Variants in TTC27 observed in about 807,000 individuals in gnomAD.
TTC27 encodes tetratricopeptide repeat protein 27.
Under a neutral mutation model 115.9 loss-of-function variants are expected in TTC27, and 79 were observed. The ratio of observed to expected loss-of-function variants is 0.68; its 90% confidence interval spans 0.57 to 0.82. TTC27 has a LOEUF of 0.82. Among genes scored for constraint, TTC27 ranks in the 40% least tolerant of loss-of-function variants. The pLI is 0.00. For missense variants in TTC27, 1,054 were observed against 993.1 expected, an observed-to-expected ratio of 1.06 and a Z score of -0.82; for synonymous variants, 401 against 356.0, an observed-to-expected ratio of 1.13 and a Z score of -1.42.
chr2:32,692,992 C>A (rs1331439612), intron 9 of TTC27, among the ~76,000 whole-genome samples: 1 of 150,298 alleles, frequency 6.7e-6, no homozygotes. Flanking sequence ...AAAAAAAAAT[C>A]TATAAAACAT....
At chr2:32,632,621 G>A (rs1664259571) in intron 2 of TTC27, among the ~76,000 whole-genome samples, 1 of 151,170 alleles carries the variant, frequency 6.6e-6, no homozygotes, top group African/African-American at 2.4e-5. Flanking sequence ...CTGCTTATTT[G>A]CATTGCATCC....
chr2:32,639,800 C>T (rs1216983469), intron 3 of TTC27, among the ~76,000 whole-genome samples: 1 of 152,088 alleles, frequency 6.6e-6, no homozygotes, highest in Non-Finnish European at 1.5e-5. Context: ...GTCAGGAATT[C>T]GAGACCAACC....
intron 3 of TTC27, among the ~76,000 whole-genome samples, chr2:32,637,277 AC>A (rs1408512983): frequency 2.5e-4 from 38 of 152,182 alleles, no homozygotes; most frequent in African/African-American, 8.9e-4. Flanking sequence ...TTGTGGTAGA[AC>A]AGGCAGACAT....
At chr2:32,745,012 C>T (rs1317063997) in intron 12 of TTC27, among the ~76,000 whole-genome samples, 4 of 136,056 alleles carry the variant, frequency 2.9e-5, no homozygotes, top group Non-Finnish European at 6.1e-5. Context: ...CACGCCACTG[C>T]ACTCCAGCCT....
intron 5 of TTC27, among the ~76,000 whole-genome samples, chr2:32,653,603 A>C (rs1665213395): frequency 6.6e-6 from 1 of 151,268 alleles, no homozygotes; most frequent in Non-Finnish European, 1.5e-5. Flanking sequence ...CAAAAAAAAA[A>C]AAACAAAAAA....
chr2:32,653,023 C>T (rs766727453), intron 5 of TTC27, among the ~76,000 whole-genome samples: 3 of 152,110 alleles, frequency 2.0e-5, no homozygotes, highest in Admixed American at 6.6e-5. Context: ...AGAATCTATT[C>T]CTCAGTACAA....
intron 10 of TTC27, among the ~76,000 whole-genome samples, chr2:32,723,743 C>CTTCCTTCT (rs1668013868): frequency 8.7e-6 from 1 of 114,586 alleles, no homozygotes; most frequent in Non-Finnish European, 1.8e-5. Context: ...TCCTTCCTTC[C>CTTCCTTCT]TTCCTTCCTT....
chr2:32,791,799 C>G (rs1172595802), intron 16 of TTC27, among the ~76,000 whole-genome samples: 1 of 152,090 alleles, frequency 6.6e-6, no homozygotes, highest in Non-Finnish European at 1.5e-5. Flanking sequence ...TGCTTAAGCC[C>G]AGGAGTTTGA....
In TTC27 at chr2:32,630,589, C is replaced by T; in HGVS notation, c.155C>T (p.Thr52Ile). ...NYEAIFLNSM[T>I]QNIFNSTTTA... Reference sequence around the variant, plus strand: ...GAAGCCATATTCTTAAATTCAATGACTCAAAATATTTTTAATTCAACAACA... The same window carrying T: ...GAAGCCATATTCTTAAATTCAATGATTCAAAATATTTTTAATTCAACAACA... The change falls in exon 2 of 20, where the codon ACT becomes ATT. Residue 52 changes from threonine to isoleucine, a missense_variant. Thr to Ile is a moderately conservative substitution (Grantham distance 89). Transcript: ENST00000317907. The T allele has an allele frequency of 6.2e-7, 1 of 1,613,334 alleles. No homozygotes were observed. The highest frequency in any genetic ancestry group is 1.1e-5 in the South Asian group (1 of 91,014).
At chr2:32,687,654 G>A (rs1666679282) in intron 9 of TTC27, among the ~76,000 whole-genome samples, 1 of 152,134 alleles carries the variant, frequency 6.6e-6, no homozygotes, top group South Asian at 2.1e-4. Context: ...GGCTAGATTT[G>A]CTAAATTATT....
At chr2:32,703,058 T>G in intron 10 of TTC27, 138 bp downstream of exon 10, 1 of 665,242 alleles carries the variant, frequency 1.5e-6, no homozygotes, top group Non-Finnish European at 2.6e-6. Context: ...GAGAATAAGT[T>G]CTATAATTTA....
At chr2:32,775,239 C>T (rs577904076) in intron 13 of TTC27, among the ~76,000 whole-genome samples, 9 of 152,238 alleles carry the variant, frequency 5.9e-5, no homozygotes, top group African/African-American at 2.2e-4. Flanking sequence ...GCTCTGTCAC[C>T]CGGGCTGGAG....
rs1244152332 is a variant in TTC27 at position 32,723,836 on chromosome 2, A to G, written c.1234-9992A>G. Among the ~76,000 whole-genome samples the G allele has an allele frequency of 4.8e-5, 7 of 147,208 alleles. 1 individual carries two copies. The South Asian group carries it at 6.5e-4, about 14-fold the overall frequency. On this transcript the variant is annotated intron_variant, in intron 10 of 19. Coordinates refer to ENST00000317907, the MANE Select transcript of TTC27 (RefSeq NM_017735.5). Reference sequence around the variant, plus strand: ...TTTCTTTCTTCCTTTGTCTTGCTCTATCACTCAGGCTGGAGTGCAGTGGCA... The same window carrying G: ...TTTCTTTCTTCCTTTGTCTTGCTCTGTCACTCAGGCTGGAGTGCAGTGGCA...
At chr2:32,798,102 TA>T (rs143563889) in intron 16 of TTC27, among the ~76,000 whole-genome samples, 42 of 146,376 alleles carry the variant, frequency 2.9e-4, no homozygotes, top group East Asian at 1.0e-3. Context: ...GAAAAAAAAT[TA>T]AAAAAAAAAA....
chr2:32,758,288 C>A lies in TTC27; in HGVS notation c.1453-4C>A, dbSNP rs748553171. 1 of 1,613,074 alleles carries A rather than the reference C, an allele frequency of 6.2e-7. No homozygotes were observed. Among genetic ancestry groups the A allele is most frequent in the Non-Finnish European group, 8.5e-7 (1 of 1,179,540 alleles). On this transcript the variant is annotated splice_region_variant and splice_polypyrimidine_tract_variant and intron_variant, in intron 12 of 19. Coordinates refer to ENST00000317907, the MANE Select transcript of TTC27 (RefSeq NM_017735.5). ...AGCAATTTCATTATTTCTGTTGTTT[C>A]TAGGCAGAAGAAATCCTTAGACAAG... is the stretch of plus-strand genomic sequence containing the variant.
At chr2:32,671,257 A>G (rs1666005032) in intron 7 of TTC27, among the ~76,000 whole-genome samples, 1 of 150,870 alleles carries the variant, frequency 6.6e-6, no homozygotes, top group African/African-American at 2.4e-5. Context: ...ATTTTGATTT[A>G]ATTTTTGTGT....
chr2:32,667,848 G>A (rs1665846732), intron 7 of TTC27, among the ~76,000 whole-genome samples: 1 of 149,984 alleles, frequency 6.7e-6, no homozygotes, highest in Non-Finnish European at 1.5e-5. Flanking sequence ...GAGGTCAGGA[G>A]TTCGAGCCCA....
intron 16 of TTC27, among the ~76,000 whole-genome samples, chr2:32,808,091 C>G (rs559463829): frequency 6.6e-6 from 1 of 152,130 alleles, no homozygotes; most frequent in South Asian, 2.1e-4. Context: ...CACCACCACA[C>G]CCTGCTAATT....
At chr2:32,800,011 G>A (rs1234418461) in intron 16 of TTC27, among the ~76,000 whole-genome samples, 1 of 152,178 alleles carries the variant, frequency 6.6e-6, no homozygotes, top group Non-Finnish European at 1.5e-5. Flanking sequence ...CGTCGCCTTG[G>A]GCAGGTTACT....
Sources: allele counts gnomAD v4.1 joint callset (sites outside exome capture counted in the v4.1 genomes callset), GRCh38; gene constraint gnomAD v4.1.1; transcripts MANE v1.5; gene names NCBI Gene and HGNC (gene_info 2026-07-23, HGNC 2026-07-21).